Variants in ZNF618 observed in about 807,000 individuals in gnomAD.
ZNF618 encodes zinc finger protein 618.
In ZNF618, 34 loss-of-function variants were observed where a neutral mutation model predicts 103.0. That is an observed-to-expected ratio of 0.33 (90% confidence interval 0.25 to 0.44). ZNF618 has a LOEUF of 0.44. ZNF618 is among the 20% of genes least tolerant of loss of function. The probability of loss-of-function intolerance (pLI) is 1.00; values close to 1 mark genes in which losing one functional copy is unlikely to be tolerated. For missense variants in ZNF618, 1,059 were observed against 1,295.4 expected, an observed-to-expected ratio of 0.82 and a Z score of 2.80; for synonymous variants, 551 against 542.2, an observed-to-expected ratio of 1.02 and a Z score of -0.23.
At chr9:113,918,861 C>G (rs1346261745) in intron 1 of ZNF618, among the ~76,000 whole-genome samples, 1 of 152,168 alleles carries the variant, frequency 6.6e-6, no homozygotes, top group East Asian at 1.9e-4. Context: ...CTGTATCACT[C>G]ACTGTTGTAT....
chr9:113,931,846 T>C (rs936177398), intron 1 of ZNF618, among the ~76,000 whole-genome samples: 8 of 152,270 alleles, frequency 5.3e-5, no homozygotes, highest in Non-Finnish European at 1.0e-4. Context: ...TAAATGTGTC[T>C]ACTAGAAGAT....
chr9:113,909,125 ACT>A (rs140553852), intron 1 of ZNF618, among the ~76,000 whole-genome samples: 2 of 150,362 alleles, frequency 1.3e-5, no homozygotes, highest in African/African-American at 2.4e-5. Flanking sequence ...GAGCAAGGAC[ACT>A]CTCTCTCTCT....
chr9:114,050,270 G>A lies in ZNF618; in HGVS notation c.*103G>A. On this transcript the variant is annotated 3_prime_UTR_variant, in exon 15 of 15. Transcript: ENST00000374126. The stretch of plus-strand genomic sequence containing the variant: ...AAGGAATTTAAGTTCTAAACACTGT[G>A]GACCTCATTATAAATGCCCCCTGGA... The A allele has an allele frequency of 7.2e-7, 1 of 1,385,236 alleles. No individual in the cohort carries two copies. Among genetic ancestry groups the A allele is most frequent in the Non-Finnish European group, 9.7e-7 (1 of 1,034,610 alleles). 85.8% of individuals were successfully genotyped at this position (1,385,236 alleles called of 1,614,324 possible).
At chr9:113,891,883 G>A (rs1402778460) in intron 1 of ZNF618, among the ~76,000 whole-genome samples, 7 of 152,110 alleles carry the variant, frequency 4.6e-5, no homozygotes, top group Non-Finnish European at 7.4e-5. Flanking sequence ...ATATATGATA[G>A]AATATTCAGC....
intron 1 of ZNF618, among the ~76,000 whole-genome samples, chr9:113,900,907 G>C (rs4979293): frequency 6.6e-4 from 22 of 33,160 alleles, no homozygotes; most frequent in African/African-American, 1.2e-3. Flanking sequence ...CCGTCCTCTC[G>C]CGCTAACCCG....
At chr9:114,025,211 A>G (rs1843393473) in intron 10 of ZNF618, among the ~76,000 whole-genome samples, 1 of 152,176 alleles carries the variant, frequency 6.6e-6, no homozygotes, top group Admixed American at 6.5e-5. Context: ...CTTGCATCCC[A>G]TCTCCCATTC....
At chr9:113,988,296 T>C in intron 2 of ZNF618, 25 bp from the exon 3 acceptor site, 1 of 1,599,894 alleles carries the variant, frequency 6.3e-7, no homozygotes, top group Non-Finnish European at 8.5e-7. Flanking sequence ...GAAGAAGGTA[T>C]TGAACGGAGT....
chr9:113,888,041 G>GT (rs895292530), intron 1 of ZNF618, among the ~76,000 whole-genome samples: 45 of 148,388 alleles, frequency 3.0e-4, no homozygotes, highest in South Asian at 2.8e-3. Flanking sequence ...AGTAGGGTTT[G>GT]TTTTTTTTTT....
chr9:113,964,389 G>T (rs1357958826), intron 1 of ZNF618, among the ~76,000 whole-genome samples: 1 of 152,054 alleles, frequency 6.6e-6, no homozygotes, highest in Non-Finnish European at 1.5e-5. Context: ...TCTTTCCGCC[G>T]CTGAACAGCT....
intron 2 of ZNF618, among the ~76,000 whole-genome samples, chr9:113,973,354 C>T (rs1337341785): frequency 2.0e-5 from 3 of 152,148 alleles, no homozygotes; most frequent in Non-Finnish European, 4.4e-5. Context: ...CGCCAGGGTC[C>T]GCTTTCATCC....
intron 13 of ZNF618, among the ~76,000 whole-genome samples, chr9:114,045,269 A>C (rs1002671064): frequency 6.6e-6 from 1 of 152,108 alleles, no homozygotes; most frequent in Non-Finnish European, 1.5e-5. Flanking sequence ...GGTGTCAGGA[A>C]ACCACTGCCT....
intron 2 of ZNF618, among the ~76,000 whole-genome samples, chr9:113,987,851 G>C (rs1467553471): frequency 6.6e-6 from 1 of 152,160 alleles, no homozygotes; most frequent in Non-Finnish European, 1.5e-5. Flanking sequence ...AAGAAATGCA[G>C]AATCTCAGGC....
intron 10 of ZNF618, among the ~76,000 whole-genome samples, chr9:114,023,406 ACTGCCCTC>A (rs1843235648): frequency 1.3e-5 from 2 of 152,124 alleles, no homozygotes; most frequent in African/African-American, 4.8e-5. Context: ...CTTCCCATTT[ACTGCCCTC>A]CTGTTCTTTG....
intron 12 of ZNF618, among the ~76,000 whole-genome samples, chr9:114,032,958 C>T (rs940804052): frequency 6.6e-6 from 1 of 152,138 alleles, no homozygotes; most frequent in African/African-American, 2.4e-5. Flanking sequence ...TGCCTCCTCT[C>T]TGTCTCCCCC....
intron 1 of ZNF618, among the ~76,000 whole-genome samples, chr9:113,888,045 T>G (rs941682997): frequency 6.6e-6 from 1 of 152,198 alleles, no homozygotes; most frequent in Non-Finnish European, 1.5e-5. Flanking sequence ...GGGTTTGTTT[T>G]TTTTTTAAAT....
intron 1 of ZNF618, among the ~76,000 whole-genome samples, chr9:113,909,983 C>T (rs1248649653): frequency 6.6e-6 from 1 of 152,110 alleles, no homozygotes; most frequent in Non-Finnish European, 1.5e-5. Context: ...TGGGATTTCA[C>T]CATGTTGGTC....
chr9:113,917,487 C>T lies in ZNF618; in HGVS notation c.33+41074C>T, dbSNP rs1832235773. 2.0e-5 allele frequency among the ~76,000 whole-genome samples: 3 copies of T among 151,676 alleles called. No homozygotes were observed. The South Asian group carries it at 6.3e-4, about 32-fold the overall frequency. On this transcript the variant is annotated intron_variant, in intron 1 of 14. Coordinates refer to ENST00000374126, the MANE Select transcript of ZNF618 (RefSeq NM_001318042.2). ...CAGGCTGGTCTTGAACTCCTAGGCTCAAGCAATCCACCTGTCCCGGCCTCC... is the reference window on the plus strand; with the variant it reads ...CAGGCTGGTCTTGAACTCCTAGGCTTAAGCAATCCACCTGTCCCGGCCTCC...
intron 10 of ZNF618, among the ~76,000 whole-genome samples, chr9:114,023,970 TTCA>T (rs1843280453): frequency 6.6e-6 from 1 of 152,208 alleles, no homozygotes; most frequent in Admixed American, 6.5e-5. Context: ...GTGTACATTT[TTCA>T]TCAAATTTGG....
intron 1 of ZNF618, among the ~76,000 whole-genome samples, chr9:113,918,756 T>C (rs1004369292): frequency 6.6e-6 from 1 of 152,310 alleles, no homozygotes; most frequent in East Asian, 1.9e-4. Context: ...TTTGAGCATT[T>C]CTTACTTTCT....
Sources: allele counts gnomAD v4.1 joint callset (sites outside exome capture counted in the v4.1 genomes callset), GRCh38; gene constraint gnomAD v4.1.1; transcripts MANE v1.5; gene names NCBI Gene and HGNC (gene_info 2026-07-23, HGNC 2026-07-21).